The following UNC79 variants were observed in gnomAD, a reference collection of about 807,000 sequenced individuals.
UNC79 encodes unc-79 subunit of NALCN channel complex.
UNC79 carries 37 observed loss-of-function variants against 283.1 expected under a neutral mutation model. The ratio of observed to expected loss-of-function variants is 0.13; its 90% CI spans 0.10 to 0.17. The LOEUF is 0.17. Among genes scored for constraint, UNC79 ranks in the 10% least tolerant of loss-of-function variants. UNC79 has a pLI of 1.00. For synonymous variants in UNC79, 1,107 were observed against 1,200.2 expected (o/e 0.92, Z 1.61); for missense variants, 2,272 against 3,211.1 (o/e 0.71, Z 7.07).
intron 38 of UNC79, among the ~76,000 whole-genome samples, chr14:93,656,072 AACACAGTGGTG>A (rs1254936404): frequency 6.6e-6 from 1 of 152,216 alleles, no homozygotes; most frequent in Non-Finnish European, 1.5e-5. Context: ...TTCTGGAAAC[AACACAGTGGTG>A]GCAATGTGAG....
At chr14:93,654,098 C>A in intron 37 of UNC79, 73 bp downstream of exon 40, 8 of 1,262,702 alleles carry the variant, frequency 6.3e-6, no homozygotes, top group Non-Finnish European at 9.2e-6. Context: ...GGCTGTGTTT[C>A]TTTGAGTCAC....
intron 7 of UNC79, among the ~76,000 whole-genome samples, chr14:93,521,304 C>T (rs1287042041): frequency 6.6e-6 from 1 of 152,022 alleles, no homozygotes; most frequent in Non-Finnish European, 1.5e-5. Context: ...TTTCTCTATC[C>T]AGCCTCATAG....
chr14:93,362,020 C>T (rs2054238373), intron 1 of UNC79, among the ~76,000 whole-genome samples: 1 of 152,184 alleles, frequency 6.6e-6, no homozygotes, highest in Admixed American at 6.5e-5. Flanking sequence ...ACCAACCTTG[C>T]ATCTCAGGAA....
chr14:93,415,300 T>C (rs1239863993), intron 1 of UNC79, among the ~76,000 whole-genome samples: 1 of 152,264 alleles, frequency 6.6e-6, no homozygotes, highest in Non-Finnish European at 1.5e-5. Context: ...TCTTTGGTTC[T>C]GTTTATATGC....
At chr14:93,376,708 T>C (rs2054566348) in intron 1 of UNC79, among the ~76,000 whole-genome samples, 1 of 152,002 alleles carries the variant, frequency 6.6e-6, no homozygotes, top group African/African-American at 2.4e-5. Flanking sequence ...GTTTTTGCCT[T>C]GTTTGGGTAT....
At position 93,688,978 on chromosome 14, in the gene UNC79, A is replaced by G; in HGVS notation, c.7085+138A>G. 1 of 936,810 alleles carries G rather than the reference A, an allele frequency of 1.1e-6. No individual in the cohort carries two copies. The highest frequency in any genetic ancestry group is 2.8e-5 in the East Asian group (1 of 35,108). 58.0% of individuals were successfully genotyped at this position (936,810 alleles called of 1,614,324 possible). Reference sequence around the variant, plus strand: ...ATACTTGGTTAGGAAGATGGAAATCAGATCCCATCTCCTTACGTACTTGCT... The same window carrying G: ...ATACTTGGTTAGGAAGATGGAAATCGGATCCCATCTCCTTACGTACTTGCT... On this transcript the variant is annotated intron_variant, in intron 44 of 48. Coordinates refer to ENST00000555664, the Ensembl canonical transcript of UNC79. This position sits in a 1 kb window ranked among gnomAD's most constrained non-coding sequence, Gnocchi z 4.0.
chr14:93,357,811 A>ATATATATCTGGATATATGGATATG, intron 1 of UNC79, among the ~76,000 whole-genome samples: 1 of 70,646 alleles, frequency 1.4e-5, no homozygotes, highest in Non-Finnish European at 2.5e-5. Flanking sequence ...ATATATGGAT[A>ATATATATCTGGATATATGGATATG]TATATATATG....
intron 1 of UNC79, among the ~76,000 whole-genome samples, chr14:93,439,553 G>C (rs191275170): frequency 2.6e-5 from 4 of 152,044 alleles, no homozygotes; most frequent in Admixed American, 1.3e-4. Flanking sequence ...GTGTTTTTCT[G>C]GGGGGTAGAG....
At chr14:93,400,177 T>C (rs2055079077) in intron 1 of UNC79, among the ~76,000 whole-genome samples, 1 of 152,226 alleles carries the variant, frequency 6.6e-6, no homozygotes, top group Admixed American at 6.5e-5. Context: ...TTATGCTCCT[T>C]TAGCGGGGGC....
intron 13 of UNC79, among the ~76,000 whole-genome samples, chr14:93,541,842 A>G (rs1179137892): frequency 6.6e-6 from 1 of 152,062 alleles, no homozygotes; most frequent in Non-Finnish European, 1.5e-5. Flanking sequence ...TGTCTCGACT[A>G]AAAATACAAA....
intron 35 of UNC79, 87 bp downstream of exon 38, chr14:93,646,733 G>A: frequency 6.8e-7 from 1 of 1,462,636 alleles, no homozygotes. Context: ...TGTGGGGCTG[G>A]GTGCAGTGGC....
intron 1 of UNC79, among the ~76,000 whole-genome samples, chr14:93,349,217 G>T (rs557900640): frequency 1.1e-4 from 17 of 152,312 alleles, no homozygotes; most frequent in Admixed American, 3.3e-4. Context: ...GCGGGACCAA[G>T]AACCCACCAA....
At chr14:93,559,340 A>G (rs1218478540) in intron 14 of UNC79, among the ~76,000 whole-genome samples, 1 of 152,220 alleles carries the variant, frequency 6.6e-6, no homozygotes, top group Non-Finnish European at 1.5e-5. Context: ...GGCACATACT[A>G]CTAAGTTAGG....
At chr14:93,693,166 T>C (rs2074834622) in intron 46 of UNC79, among the ~76,000 whole-genome samples, 1 of 152,224 alleles carries the variant, frequency 6.6e-6, no homozygotes, top group African/African-American at 2.4e-5. Context: ...AGAGATGTCT[T>C]AGTTCAATTT....
At chr14:93,488,293 TA>T (rs1461563870) in intron 5 of UNC79, among the ~76,000 whole-genome samples, 1 of 152,238 alleles carries the variant, frequency 6.6e-6, no homozygotes, top group Non-Finnish European at 1.5e-5. Flanking sequence ...GACAGATGAA[TA>T]TTAATATCTC....
At position 93,345,903 on chromosome 14, in the gene UNC79, A is replaced by G. The variant is rs1317937165; in HGVS notation, c.-351+12380A>G. 2.0e-5 allele frequency among the ~76,000 whole-genome samples: 3 copies of G among 151,722 alleles called. No individual in the cohort carries two copies. The East Asian group carries it at 5.8e-4, about 29-fold the overall frequency. Reference sequence around the variant, plus strand: ...CCAAAGACAAAAAGGAATGCCTAAAAGATTCCCAAAAGGAAAAAAGAGGGT... The same window carrying G: ...CCAAAGACAAAAAGGAATGCCTAAAGGATTCCCAAAAGGAAAAAAGAGGGT... On this transcript the variant is annotated intron_variant, in intron 1 of 49. Transcript: ENST00000256339.
chr14:93,357,820 TG>T (rs2054133035), intron 1 of UNC79, among the ~76,000 whole-genome samples: 2 of 70,218 alleles, frequency 2.8e-5, no homozygotes, highest in Non-Finnish European at 6.0e-5. Flanking sequence ...TATATATATA[TG>T]GATATATGGA....
intron 34 of UNC79, among the ~76,000 whole-genome samples, chr14:93,646,206 T>C (rs962894673): frequency 2.0e-5 from 3 of 152,194 alleles, no homozygotes; most frequent in Admixed American, 1.3e-4. Flanking sequence ...TTTACTATCT[T>C]ATGGAGGCTT....
chr14:93,590,417 A>C (rs2064574098), intron 22 of UNC79, among the ~76,000 whole-genome samples: 1 of 152,216 alleles, frequency 6.6e-6, no homozygotes. Flanking sequence ...CGGAGGGAAC[A>C]GTGTGAAGTT....
Sources: allele counts gnomAD v4.1 joint callset (sites outside exome capture counted in the v4.1 genomes callset), GRCh38; gene constraint gnomAD v4.1.1; non-coding constraint Gnocchi (gnomAD v3.1); transcripts MANE v1.5; gene names NCBI Gene and HGNC (gene_info 2026-07-23, HGNC 2026-07-21).